Variants in ANKRD36 observed in about 807,000 individuals in gnomAD.
ANKRD36 encodes the protein ankyrin repeat domain-containing protein 36A.
In ANKRD36, 179 loss-of-function variants were observed where a neutral mutation model predicts 278.1. The ratio of observed to expected loss-of-function variants is 0.64; its 90% CI spans 0.57 to 0.73. The LOEUF is 0.73. ANKRD36 is among the 30% of genes least tolerant of loss of function. ANKRD36 has a pLI of 0.00. For missense variants in ANKRD36, 1,159 were observed against 1,956.7 expected (o/e 0.59, Z 7.69); for synonymous variants, 320 against 641.1 (o/e 0.50, Z 7.57).
intron 6 of ANKRD36, among the ~76,000 whole-genome samples, chr2:97,131,879 A>T (rs934840133): frequency 2.6e-5 from 4 of 151,852 alleles, no homozygotes; most frequent in African/African-American, 7.3e-5. Flanking sequence ...CCCAGGCTGG[A>T]GTGCAGTGGC....
rs1294139381 is a variant in ANKRD36, at chr2:97,157,333, T to G, written c.1261-774T>G. On this transcript the variant is annotated intron_variant, in intron 15 of 75. Coordinates refer to ENST00000420699, the MANE Select transcript of ANKRD36 (RefSeq NM_001354587.1). ...ATGAACACAAGCTTTTCTTTTAAGC[T>G]CATATTTGATTGACTGGTCATGTCT... Among the ~76,000 whole-genome samples, 6 of 151,404 alleles carry G rather than the reference T, an allele frequency of 4.0e-5. No individual in the cohort carries two copies. The South Asian group carries it at 1.3e-3, about 32-fold the overall frequency.
intron 64 of ANKRD36, among the ~76,000 whole-genome samples, chr2:97,217,961 A>T (rs1399340433): frequency 6.6e-6 from 1 of 152,008 alleles, no homozygotes; most frequent in Non-Finnish European, 1.5e-5. Context: ...ATACCGGATC[A>T]TCTGATTTCT....
At chr2:97,209,650 T>A (rs1426282823) in intron 54 of ANKRD36, 31 bp from the exon 55 acceptor site, 1 of 1,583,266 alleles carries the variant, frequency 6.3e-7, no homozygotes, top group South Asian at 1.1e-5. Flanking sequence ...TATTTACATG[T>A]GAGTGATTAT....
intron 62 of ANKRD36, chr2:97,216,938 T>C: frequency 9.9e-7 from 1 of 1,009,134 alleles, no homozygotes; most frequent in South Asian, 1.5e-5. Context: ...TTTATTTTAG[T>C]TTTAGACATA....
chr2:97,131,641 T>G (rs893188649), intron 6 of ANKRD36, among the ~76,000 whole-genome samples: 2 of 152,066 alleles, frequency 1.3e-5, no homozygotes, highest in African/African-American at 4.8e-5. Context: ...TATGAAGAAC[T>G]GCCCTTAACA....
At chr2:97,127,970 T>G (rs1462716264) in intron 6 of ANKRD36, among the ~76,000 whole-genome samples, 4 of 151,578 alleles carry the variant, frequency 2.6e-5, no homozygotes, top group African/African-American at 4.8e-5. Context: ...AAGCAGAAAA[T>G]AGGTACAGTT....
chr2:97,206,259 T>G lies in ANKRD36; in HGVS notation c.3163+124T>G. On this transcript the variant is annotated intron_variant, in intron 52 of 75. Coordinates refer to ENST00000420699, the MANE Select transcript of ANKRD36 (RefSeq NM_001354587.1). Reference sequence around the variant, plus strand: ...TCTGATTCAGCAGGCCGGAGATTCTTCATTTGTAGTACGTTCTTGGGTGAT... The same window carrying G: ...TCTGATTCAGCAGGCCGGAGATTCTGCATTTGTAGTACGTTCTTGGGTGAT... 3.5e-6 allele frequency: 4 copies of G among 1,138,442 alleles called. No homozygotes were observed. In the East Asian group the frequency reaches 1.0e-4, roughly 29 times the overall value. 70.5% of individuals were successfully genotyped at this position (1,138,442 alleles called of 1,614,324 possible).
At chr2:97,173,868 GTT>G (rs1193143312) in intron 22 of ANKRD36, among the ~76,000 whole-genome samples, 1 of 150,418 alleles carries the variant, frequency 6.6e-6, no homozygotes, top group Non-Finnish European at 1.5e-5. Flanking sequence ...TCAGATTTTT[GTT>G]TTTTGGTTTT....
At chr2:97,198,441 A>T in intron 42 of ANKRD36, 22 bp from the exon 43 acceptor site, 4 of 1,573,860 alleles carry the variant, frequency 2.5e-6, no homozygotes, top group South Asian at 2.3e-5. Context: ...ATGAGTGATT[A>T]TGAATCCCTT....
chr2:97,199,984 C>A (rs1441241797), intron 44 of ANKRD36, among the ~76,000 whole-genome samples: 1 of 151,886 alleles, frequency 6.6e-6, no homozygotes, highest in East Asian at 1.9e-4. Flanking sequence ...TCATGTAGCA[C>A]CTGTTTTGAC....
intron 67 of ANKRD36, among the ~76,000 whole-genome samples, chr2:97,226,352 G>C (rs2069617902): frequency 6.6e-6 from 1 of 151,908 alleles, no homozygotes; most frequent in Non-Finnish European, 1.5e-5. Flanking sequence ...TTGTGGTTTT[G>C]ATTTGCATTT....
chr2:97,224,450 T>TG (rs1451605567), intron 66 of ANKRD36, among the ~76,000 whole-genome samples: 1 of 142,084 alleles, frequency 7.0e-6, no homozygotes, highest in East Asian at 2.6e-4. Flanking sequence ...TTTTGTTTTT[T>TG]TGTTTTTTTT....
Position 97,191,138 on chromosome 2 carries a change from G to A in ANKRD36, c.2304G>A (p.Ser768=), listed in dbSNP as rs183380928. The A allele has an allele frequency of 2.4e-4, 376 of 1,597,976 alleles. 3 individuals are homozygous for A. The African/African-American group carries it at 4.6e-3, about 20-fold the overall frequency. Residue 768 remains serine, a synonymous_variant, in exon 36 of 76, where the codon TCG becomes TCA. Transcript: ENST00000420699. ...KATTDEKDSV[S]NIATEIKDGE... is the part of the protein sequence containing the mutation. The stretch of plus-strand genomic sequence containing the variant: ...CAACTGATGAGAAAGATTCTGTTTC[G>A]AACATAGCCACAGAAATAAAGGATG...
intron 15 of ANKRD36, among the ~76,000 whole-genome samples, chr2:97,157,604 A>G (rs1298669677): frequency 7.2e-6 from 1 of 138,180 alleles, no homozygotes. Context: ...GAGGTTATAC[A>G]ATAATTTGTT....
intron 20 of ANKRD36, among the ~76,000 whole-genome samples, chr2:97,166,160 T>A (rs1373632754): frequency 6.6e-6 from 1 of 152,106 alleles, no homozygotes; most frequent in Non-Finnish European, 1.5e-5. Context: ...AAGAAATTCT[T>A]ATTTACTGCT....
chr2:97,223,139 C>A (rs1221515569), intron 66 of ANKRD36, among the ~76,000 whole-genome samples: 2 of 122,994 alleles, frequency 1.6e-5, no homozygotes, highest in African/African-American at 6.5e-5. Context: ...CTTGCTCTGT[C>A]TCCCAGCCTG....
chr2:97,188,154 TC>T (rs1345761719), intron 32 of ANKRD36, among the ~76,000 whole-genome samples: 1 of 151,730 alleles, frequency 6.6e-6, no homozygotes, highest in Admixed American at 6.6e-5. Context: ...TACATTGGCT[TC>T]CTTGTTCAAG....
rs767072431 is a variant in ANKRD36 at position 97,187,375 on chromosome 2, T to A, written c.2117T>A (p.Ile706Lys). The A allele has an allele frequency of 5.0e-6, 8 of 1,605,958 alleles. No individual in the cohort carries two copies. Among genetic ancestry groups the A allele is most frequent in the Admixed American group, 1.7e-5 (1 of 58,482 alleles). The part of the protein sequence containing the change: ...EDSVSNIATE[I>K]KDGEKSGTVS... Reference sequence around the variant, plus strand: ...TCTGTTTCGAATATAGCCACAGAAATAAAGGATGGAGAAAAATCTGGGACA... The same window carrying A: ...TCTGTTTCGAATATAGCCACAGAAAAAAAGGATGGAGAAAAATCTGGGACA... Residue 706 changes from isoleucine (I) to lysine (K), a missense_variant, in exon 32 of 76, where the codon ATA (isoleucine) becomes AAA (lysine). Ile to Lys is a moderately radical substitution (Grantham distance 102, BLOSUM62 -3). Transcript: ENST00000420699.
At chr2:97,205,519 T>A (rs1317132069) in intron 50 of ANKRD36, among the ~76,000 whole-genome samples, 2 of 151,526 alleles carry the variant, frequency 1.3e-5, no homozygotes, top group Non-Finnish European at 3.0e-5. Flanking sequence ...AAGAGCATGA[T>A]GAATGTTTGT....
Sources: allele counts gnomAD v4.1 joint callset (sites outside exome capture counted in the v4.1 genomes callset), GRCh38; gene constraint gnomAD v4.1.1; transcripts MANE v1.5; gene names NCBI Gene and HGNC (gene_info 2026-07-23, HGNC 2026-07-21).